SATL1: variants seen among roughly 807,000 people sequenced by gnomAD.
The protein encoded by SATL1 is spermidine/spermine N1-acetyl transferase like 1.
In SATL1, 47 loss-of-function variants were observed where a neutral mutation model predicts 51.8. The observed-to-expected ratio is 0.91, with a 90% CI of 0.72 to 1.16. SATL1 has a LOEUF of 1.16. Among genes scored for constraint, SATL1 ranks in the 50% most tolerant of loss-of-function variants. The pLI is 0.00. For missense variants in SATL1, 520 were observed against 526.4 expected (o/e 0.99, Z 0.12); for synonymous variants, 176 against 182.4 (o/e 0.97, Z 0.28).
intron 2 of SATL1, among the ~76,000 whole-genome samples, chrX:85,167,103 G>A (rs1240134399): frequency 4.6e-5 from 5 of 108,878 alleles, no homozygotes; most frequent in African/African-American, 1.7e-4. Context: ...AGCTACCTGG[G>A]TGGAGTTGGA....
At chrX:85,228,449 C>T (rs1012845713) in intron 1 of SATL1, among the ~76,000 whole-genome samples, 2 of 111,713 alleles carry the variant, frequency 1.8e-5, no homozygotes, top group African/African-American at 6.5e-5. Context: ...GTAGCCCCCT[C>T]TAGCTATTGC....
chrX:85,168,986 G>A (rs759440964), intron 2 of SATL1, among the ~76,000 whole-genome samples: 25 of 111,780 alleles, frequency 2.2e-4, no homozygotes, highest in African/African-American at 7.8e-4. Flanking sequence ...ATAACCATCC[G>A]ATCTTTGACA....
intron 2 of SATL1, among the ~76,000 whole-genome samples, chrX:85,185,737 T>C (rs1399217721): frequency 9.0e-6 from 1 of 111,124 alleles, no homozygotes; most frequent in African/African-American, 3.3e-5. Context: ...GGCTCCCTTC[T>C]GGTCCAGGGC....
chrX:85,224,768 C>CAAAAAA lies in SATL1; in HGVS notation c.-434-448_-434-443dup, dbSNP rs58905613. Reference sequence around the variant, plus strand: ...AGCAATTCCACTCATGAGTATATATCAAAAAAAAAAAAAAAAAAGAGGAAA... The same window carrying CAAAAAA: ...AGCAATTCCACTCATGAGTATATATCAAAAAAAAAAAAAAAAAAAAAAAAGAGGAAA... On this transcript the variant is annotated intron_variant, in intron 1 of 7. Coordinates refer to ENST00000644105, the MANE Select transcript of SATL1 (RefSeq NM_001367857.2). Among the ~76,000 whole-genome samples the CAAAAAA allele has an allele frequency of 3.1e-3, 186 of 59,708 alleles. 1 individual carries two copies. Among genetic ancestry groups the CAAAAAA allele is most frequent in the South Asian group, 7.9e-3 (9 of 1,143 alleles). The allele number at this position is 59,708 out of a possible 115,157, so 51.8% of individuals were successfully genotyped here. A position where few individuals can be genotyped will look rare whatever the true frequency, so the allele number is the denominator to read the frequency against.
intron 2 of SATL1, among the ~76,000 whole-genome samples, chrX:85,180,219 C>T (rs903073161): frequency 2.7e-5 from 3 of 111,367 alleles, no homozygotes; most frequent in African/African-American, 9.8e-5. Flanking sequence ...AGGCAGATCA[C>T]TGTCTTCAAA....
At chrX:85,092,645 C>T (rs1924561148) in intron 7 of SATL1, 84 bp from the exon 8 acceptor site, 1 of 839,016 alleles carries the variant, frequency 1.2e-6, no homozygotes, top group Non-Finnish European at 1.7e-6. Flanking sequence ...AAGGTCTACT[C>T]TATGCAAGAC....
intron 1 of SATL1, among the ~76,000 whole-genome samples, chrX:85,241,486 C>A (rs182046444): frequency 9.0e-6 from 1 of 111,682 alleles, no homozygotes; most frequent in African/African-American, 3.3e-5. Context: ...GCTTATGATG[C>A]CTATATAATT....
chrX:85,170,444 A>G (rs1926948468), intron 2 of SATL1, among the ~76,000 whole-genome samples: 1 of 111,809 alleles, frequency 8.9e-6, no homozygotes, highest in South Asian at 3.6e-4. Flanking sequence ...TTAAACTAAT[A>G]TTTAAATCTA....
chrX:85,185,126 A>C, intron 2 of SATL1, among the ~76,000 whole-genome samples: 1 of 112,134 alleles, frequency 8.9e-6, no homozygotes, highest in Non-Finnish European at 1.9e-5. Context: ...GGTAAAATCC[A>C]GGAGATTTCC....
chrX:85,170,308 A>T (rs1048981417), intron 2 of SATL1, among the ~76,000 whole-genome samples: 1 of 111,713 alleles, frequency 9.0e-6, no homozygotes, highest in Non-Finnish European at 1.9e-5. Flanking sequence ...AAAGTAACAA[A>T]AATATTTAGT....
intron 2 of SATL1, among the ~76,000 whole-genome samples, chrX:85,135,642 G>T (rs1190558920): frequency 1.9e-5 from 2 of 107,064 alleles, no homozygotes; most frequent in Non-Finnish European, 3.8e-5. Flanking sequence ...CATGATCTCG[G>T]CTCACTACTG....
chrX:85,170,029 A>C (rs1354205355), intron 2 of SATL1, among the ~76,000 whole-genome samples: 5 of 111,528 alleles, frequency 4.5e-5, no homozygotes, highest in Non-Finnish European at 1.9e-5. Context: ...ACAACAACAA[A>C]AAAACAAATA....
chrX:85,184,632 G>C (rs191552622), intron 2 of SATL1, among the ~76,000 whole-genome samples: 1 of 111,990 alleles, frequency 8.9e-6, no homozygotes, highest in East Asian at 2.8e-4. Context: ...TCTTCAGTGT[G>C]TCAATTGCAT....
intron 2 of SATL1, among the ~76,000 whole-genome samples, chrX:85,202,322 G>A (rs761785748): frequency 8.9e-5 from 10 of 111,764 alleles, no homozygotes; most frequent in Non-Finnish European, 1.5e-4. Context: ...TATCCCATTT[G>A]CCAATTTTTG....
intron 2 of SATL1, among the ~76,000 whole-genome samples, chrX:85,160,243 T>G (rs1397966723): frequency 9.0e-6 from 1 of 111,157 alleles, no homozygotes; most frequent in East Asian, 2.8e-4. Flanking sequence ...AAAGAATCAG[T>G]GCAAGGTCTC....
intron 1 of SATL1, among the ~76,000 whole-genome samples, chrX:85,233,668 T>C (rs752439049): frequency 2.7e-5 from 3 of 112,263 alleles, no homozygotes; most frequent in African/African-American, 9.7e-5. Context: ...ATCAGTCTCT[T>C]AACTGCATAA....
At chrX:85,194,592 T>C (rs780633522) in intron 2 of SATL1, among the ~76,000 whole-genome samples, 30 of 110,984 alleles carry the variant, frequency 2.7e-4, no homozygotes, top group Non-Finnish European at 4.7e-4. Context: ...AAAAGGACAG[T>C]ATTCACAATA....
At chrX:85,151,917 A>C (rs1926451147) in intron 2 of SATL1, among the ~76,000 whole-genome samples, 1 of 111,290 alleles carries the variant, frequency 9.0e-6, no homozygotes, top group Non-Finnish European at 1.9e-5. Flanking sequence ...CAAGGACTTC[A>C]AGTATAAAAC....
chrX:85,187,415 G>T (rs1927337032), intron 2 of SATL1, among the ~76,000 whole-genome samples: 1 of 111,461 alleles, frequency 9.0e-6, no homozygotes, highest in Admixed American at 9.6e-5. Flanking sequence ...AGTTCTTAGA[G>T]AAAAATATTT....
Sources: allele counts gnomAD v4.1 joint callset (sites outside exome capture counted in the v4.1 genomes callset), GRCh38; gene constraint gnomAD v4.1.1; transcripts MANE v1.5; gene names NCBI Gene and HGNC (gene_info 2026-07-23, HGNC 2026-07-21).